ADAMTS16: variants seen among roughly 807,000 people sequenced by gnomAD.
ADAMTS16 encodes the protein ADAM metallopeptidase with thrombospondin type 1 motif 16, also known as A disintegrin and metalloproteinase with thrombospondin motifs 16.
ADAMTS16 carries 94 observed loss-of-function variants against 145.8 expected under a neutral mutation model. That is an observed-to-expected ratio of 0.64 (90% CI 0.55 to 0.77). ADAMTS16 has a LOEUF of 0.77. Ranked by LOEUF, ADAMTS16 falls within the 30% of genes least tolerant of loss-of-function variation. The pLI is 0.00. For synonymous variants in ADAMTS16, 659 were observed against 604.3 expected, an observed-to-expected ratio of 1.09 and a Z score of -1.33; for missense variants, 1,585 against 1,591.5, an observed-to-expected ratio of 1.00 and a Z score of 0.07.
rs979337822 is a variant in ADAMTS16 at position 5,318,040 on chromosome 5, C to A, written c.3412-94C>A. The A allele has an allele frequency of 4.0e-5, 50 of 1,255,176 alleles. No homozygotes were observed. In the African/African-American group the frequency reaches 4.0e-4, roughly 10 times the overall value. 77.8% of individuals were successfully genotyped at this position (1,255,176 alleles called of 1,614,324 possible). A position where few individuals can be genotyped will look rare whatever the true frequency, so the allele number is the denominator to read the frequency against. On this transcript the variant is annotated intron_variant, in intron 21 of 22. Coordinates refer to ENST00000274181, the MANE Select transcript of ADAMTS16 (RefSeq NM_139056.4). Reference sequence around the variant, plus strand: ...AAGTCGCTCTTCCCTCACTGGCCTGCAGCAGCAGGCCTTTTAGAAAGGTGG... The same window carrying A: ...AAGTCGCTCTTCCCTCACTGGCCTGAAGCAGCAGGCCTTTTAGAAAGGTGG...
At chr5:5,313,494 G>C (rs983860841) in intron 21 of ADAMTS16, among the ~76,000 whole-genome samples, 6 of 152,296 alleles carry the variant, frequency 3.9e-5, no homozygotes, top group Admixed American at 3.9e-4. Flanking sequence ...ATTTGGTCTG[G>C]GAATGGCTTG....
rs1423929242 is a variant in ADAMTS16 at position 5,146,301 on chromosome 5, G to C, written c.347G>C (p.Ser116Thr). 3.1e-6 allele frequency: 5 copies of C among 1,614,066 alleles called. No individual in the cohort carries two copies. The highest frequency in any genetic ancestry group is 4.2e-6 in the Non-Finnish European group (5 of 1,180,034). ...HDFHMDLRTSSSLVAPGFIVQ... is the reference protein window; with the variant it reads ...HDFHMDLRTSTSLVAPGFIVQ... ...TTCCACATGGATCTGAGGACTTCCA[G>C]CAGCCTAGTGGCTCCTGGCTTTATT... The change falls in exon 3 of 23, where the codon AGC becomes ACC. Residue 116 changes from serine (S) to threonine (T), a missense_variant. Ser to Thr is a moderately conservative substitution (Grantham distance 58). Around this residue, in one of 3 missense-constraint regions of ADAMTS16, gnomAD observed 453 missense variants for 412.1 expected, o/e 1.10. Coordinates refer to ENST00000274181, the MANE Select transcript of ADAMTS16 (RefSeq NM_139056.4).
At chr5:5,184,951 C>T (rs531651110) in intron 4 of ADAMTS16, among the ~76,000 whole-genome samples, 20 of 152,248 alleles carry the variant, frequency 1.3e-4, no homozygotes, top group African/African-American at 4.6e-4. Flanking sequence ...CTATTTCCGA[C>T]ACTTTCGAAG....
intron 21 of ADAMTS16, among the ~76,000 whole-genome samples, chr5:5,308,695 T>C (rs753483750): frequency 6.6e-6 from 1 of 152,110 alleles, no homozygotes; most frequent in African/African-American, 2.4e-5. Context: ...ATCCCTGTAA[T>C]CCCAGCACTT....
chr5:5,207,576 A>G (rs1736161766), intron 9 of ADAMTS16, among the ~76,000 whole-genome samples: 1 of 152,150 alleles, frequency 6.6e-6, no homozygotes, highest in Non-Finnish European at 1.5e-5. Flanking sequence ...TACAATGTTG[A>G]AAGGGAGTGG....
At chr5:5,254,536 C>A (rs150301336) in intron 17 of ADAMTS16, among the ~76,000 whole-genome samples, 1 of 152,136 alleles carries the variant, frequency 6.6e-6, no homozygotes, top group Admixed American at 6.5e-5. Context: ...CAAACTCATA[C>A]AAATATTCAG....
intron 2 of ADAMTS16, among the ~76,000 whole-genome samples, chr5:5,141,979 T>A (rs968726722): frequency 6.6e-6 from 1 of 152,178 alleles, no homozygotes; most frequent in Non-Finnish European, 1.5e-5. Flanking sequence ...CTTGTCCTTT[T>A]TAGGGTTTTG....
chr5:5,224,713 G>A (rs948722780), intron 11 of ADAMTS16, among the ~76,000 whole-genome samples: 2 of 152,310 alleles, frequency 1.3e-5, no homozygotes, highest in African/African-American at 4.8e-5. Flanking sequence ...CTTTTCTGCT[G>A]TCATTGATTA....
chr5:5,257,667 A>G (rs1484793921), intron 17 of ADAMTS16, among the ~76,000 whole-genome samples: 1 of 152,150 alleles, frequency 6.6e-6, no homozygotes, highest in Admixed American at 6.5e-5. Context: ...TCTGACACCA[A>G]ATTGGTGGGG....
rs1738398166 is a variant in ADAMTS16, at chr5:5,269,888, C to A, written c.2789+7105C>A. Among the ~76,000 whole-genome samples the A allele has an allele frequency of 6.6e-6, 1 of 152,186 alleles. No individual in the cohort carries two copies. Among genetic ancestry groups the A allele is most frequent in the African/African-American group, 2.4e-5 (1 of 41,434 alleles). On this transcript the variant is annotated intron_variant, in intron 18 of 22. Transcript: ENST00000274181. This position sits in a 1 kb window ranked among gnomAD's most constrained non-coding sequence, Gnocchi z 4.3. ...GCACTGTGTGCTGGAAGAAAAGGTG[C>A]AGTTCAGCAGCAGAGGGCCAGTCTA...
intron 17 of ADAMTS16, among the ~76,000 whole-genome samples, chr5:5,250,291 TA>T (rs1308495849): frequency 1.3e-5 from 2 of 152,104 alleles, no homozygotes; most frequent in Admixed American, 1.3e-4. Context: ...AGAGAGGATT[TA>T]GGGAGAAATC....
chr5:5,191,808 G>A lies in ADAMTS16; in HGVS notation c.1313+18G>A, dbSNP rs773166066. On this transcript the variant is annotated intron_variant, in intron 8 of 22. Coordinates refer to ENST00000274181, the MANE Select transcript of ADAMTS16 (RefSeq NM_139056.4). ...GGACACAAGTAAGTGCATCTCCATG[G>A]GAGGATGGCATCCCGAGTTTTTTCC... 19 of 1,577,402 alleles carry A rather than the reference G, an allele frequency of 1.2e-5. No homozygotes were observed. The highest frequency in any genetic ancestry group is 1.6e-5 in the Non-Finnish European group (18 of 1,158,232).
intron 13 of ADAMTS16, 73 bp downstream of exon 13, chr5:5,235,259 G>A (rs1236591442): frequency 2.9e-6 from 4 of 1,376,810 alleles, no homozygotes; most frequent in East Asian, 2.5e-5. Context: ...GTACATGATT[G>A]AGAGTGTGGT....
At chr5:5,154,364 T>G (rs1001720204) in intron 3 of ADAMTS16, among the ~76,000 whole-genome samples, 1 of 152,158 alleles carries the variant, frequency 6.6e-6, no homozygotes, top group East Asian at 1.9e-4. Flanking sequence ...GTGTAGATAA[T>G]TTCTTACTTT....
chr5:5,193,775 A>G (rs7705368), intron 8 of ADAMTS16, among the ~76,000 whole-genome samples: 130,251 of 152,220 alleles, frequency 0.86, 55,706 homozygotes, highest in Middle Eastern at 0.9. Context: ...AGAAAAAAAT[A>G]TTTTTTCTGG....
At chr5:5,303,975 T>C (rs972516833) in intron 20 of ADAMTS16, among the ~76,000 whole-genome samples, 2 of 152,174 alleles carry the variant, frequency 1.3e-5, no homozygotes, top group Non-Finnish European at 2.9e-5. Context: ...AATCACACAG[T>C]GGCGTCCACG....
At chr5:5,223,009 C>T in intron 11 of ADAMTS16, 125 bp downstream of exon 11, 1 of 710,704 alleles carries the variant, frequency 1.4e-6, no homozygotes. Flanking sequence ...CATACCCATG[C>T]TCCTATCAAA....
At chr5:5,313,566 G>A (rs894448365) in intron 21 of ADAMTS16, among the ~76,000 whole-genome samples, 1 of 152,192 alleles carries the variant, frequency 6.6e-6, no homozygotes. Context: ...CTCAGTGCTG[G>A]GCAGTGTGGG....
intron 20 of ADAMTS16, among the ~76,000 whole-genome samples, chr5:5,305,082 T>C (rs866996989): frequency 0.011 from 206 of 17,956 alleles, no homozygotes; most frequent in Admixed American, 0.019. Flanking sequence ...CACACACACA[T>C]CCCACACCAC....
Sources: allele counts gnomAD v4.1 joint callset (sites outside exome capture counted in the v4.1 genomes callset), GRCh38; gene constraint gnomAD v4.1.1; regional missense constraint gnomAD v4.1.1; non-coding constraint Gnocchi (gnomAD v3.1); transcripts MANE v1.5; gene names NCBI Gene and HGNC (gene_info 2026-07-23, HGNC 2026-07-21).